OR2T2: variants seen among roughly 807,000 people sequenced by gnomAD.
The protein encoded by OR2T2 is olfactory receptor family 2 subfamily T member 2, also known as olfactory receptor 2T2.
For missense variants in OR2T2, 138 were observed against 409.1 expected, an observed-to-expected ratio of 0.34 and a Z score of 5.72; for synonymous variants, 50 against 162.7, an observed-to-expected ratio of 0.31 and a Z score of 5.27.
intron 2 of OR2T2, among the ~76,000 whole-genome samples, chr1:248,449,831 T>TTTCTTTC (rs1553319228): frequency 7.9e-6 from 1 of 127,046 alleles, no homozygotes; most frequent in Non-Finnish European, 1.5e-5. Context: ...TCTTTTTCTT[T>TTTCTTTC]TTTTTTTTTT....
chr1:248,446,677 T>G (rs1368380772), exon 2 of OR2T2: 1 of 148,246 alleles, frequency 6.7e-6, no homozygotes, highest in African/African-American at 2.7e-5. Context: ...CCCAGAAGCA[T>G]TCCCCTGCAC....
intron 1 of OR2T2, among the ~76,000 whole-genome samples, 194 bp downstream of exon 1, chr1:248,445,863 A>G (rs1662629948): frequency 6.6e-6 from 1 of 150,960 alleles, no homozygotes; most frequent in African/African-American, 2.5e-5. Flanking sequence ...ACAACTGGAA[A>G]AGGGCATTTA....
chr1:248,455,438 AGAATGTCCTGGAGGGATTAAG>A, exon 3 of OR2T2: 1 of 32,950 alleles, frequency 3.0e-5, no homozygotes, highest in Non-Finnish European at 6.4e-5. Context: ...AAGAGATGGA[AGAATGTCCTGGAGGGATTAAG>A]TGAAGAAACA....
At chr1:248,446,164 AT>A (rs200594110) in intron 1 of OR2T2, among the ~76,000 whole-genome samples, 5,110 of 139,010 alleles carry the variant, frequency 0.037, 377 homozygotes, top group South Asian at 0.065. Flanking sequence ...GGAAATCATG[AT>A]TTTTTTTTTT....
exon 3 of OR2T2, chr1:248,453,843 G>T: frequency 7.0e-6 from 9 of 1,294,004 alleles, no homozygotes; most frequent in Non-Finnish European, 9.0e-6. Context: ...AGAGCATCAG[G>T]GGTGGTGACT....
exon 3 of OR2T2, chr1:248,454,903 A>ATG (rs1198992234): frequency 6.8e-5 from 7 of 103,110 alleles, no homozygotes; most frequent in Admixed American, 1.1e-4. Context: ...TAATAGATAA[A>ATG]TGTAGAATGA....
intron 2 of OR2T2, among the ~76,000 whole-genome samples, chr1:248,447,831 CCT>C (rs200801488): frequency 0.012 from 1,762 of 151,742 alleles, no homozygotes; most frequent in South Asian, 0.022. Context: ...ACATGGTATT[CCT>C]CTCTTTAACA....
intron 2 of OR2T2, among the ~76,000 whole-genome samples, chr1:248,448,129 G>A (rs1216353251): frequency 1.7e-4 from 26 of 151,808 alleles, no homozygotes; most frequent in Middle Eastern, 3.4e-3. Context: ...TGAAGCTGGC[G>A]ATTTAGATGT....
exon 3 of OR2T2, chr1:248,452,922 C>T (rs1662837898): frequency 6.2e-7 from 1 of 1,614,170 alleles, no homozygotes; most frequent in Admixed American, 1.7e-5. Flanking sequence ...GCTATAACAG[C>T]CAACTTGGTC....
chr1:248,446,948 C>T (rs572777273), intron 2 of OR2T2, 137 bp downstream of exon 2: 2 of 143,362 alleles, frequency 1.4e-5, no homozygotes, highest in South Asian at 2.1e-4. Context: ...AAGAAAACTT[C>T]TATCTTATGC....
chr1:248,447,871 T>G (rs1360476987), intron 2 of OR2T2, among the ~76,000 whole-genome samples: 1 of 148,514 alleles, frequency 6.7e-6, no homozygotes, highest in Admixed American at 6.7e-5. Flanking sequence ...TTAGTTAACC[T>G]GCAATCCGCC....
intron 2 of OR2T2, among the ~76,000 whole-genome samples, chr1:248,450,421 CTTT>C (rs1558339495): frequency 1.4e-5 from 2 of 146,894 alleles, no homozygotes; most frequent in Non-Finnish European, 2.9e-5. Flanking sequence ...CCTGTTTCAG[CTTT>C]TTTACTCTCC....
chr1:248,450,506 G>A (rs530838652), intron 2 of OR2T2, among the ~76,000 whole-genome samples: 601 of 150,168 alleles, frequency 4.0e-3, no homozygotes, highest in Middle Eastern at 0.01. Flanking sequence ...ATAGACATTT[G>A]AGGCAATAGT....
rs1171574441 is a variant in OR2T2, at chr1:248,446,680, C to G, written c.-154C>G. On this transcript the variant is annotated 5_prime_UTR_variant, in exon 2 of 3. Coordinates refer to ENST00000642130, the Ensembl canonical transcript of OR2T2. ...CTGACACTGCTGCCCAGAAGCATTC[C>G]CCTGCACATCCACATCACAGCCCTC... The G allele has an allele frequency of 2.7e-5, 4 of 148,164 alleles. No individual in the cohort carries two copies. The East Asian group carries it at 7.7e-4, about 28-fold the overall frequency. The allele number at this position is 148,164 out of a possible 1,614,324, so 9.2% of individuals were successfully genotyped here.
chr1:248,450,838 TATATTTAA>T (rs1301922671), intron 2 of OR2T2, among the ~76,000 whole-genome samples: 11 of 144,288 alleles, frequency 7.6e-5, no homozygotes, highest in African/African-American at 2.2e-4. Flanking sequence ...AATGGAATTG[TATATTTAA>T]ATAGTCTCTT....
At chr1:248,450,332 A>G (rs572109181) in intron 2 of OR2T2, among the ~76,000 whole-genome samples, 3 of 134,776 alleles carry the variant, frequency 2.2e-5, no homozygotes, top group Admixed American at 2.1e-4. Flanking sequence ...CAACGCTCAC[A>G]CTCACAAGGA....
intron 2 of OR2T2, chr1:248,449,281 A>G (rs1662736075): frequency 6.6e-6 from 1 of 152,322 alleles, no homozygotes; most frequent in African/African-American, 2.4e-5. Context: ...GATACTTCTC[A>G]TAGCTCTAGT....
chr1:248,453,837 C>T (rs1254463087), exon 3 of OR2T2: 3 of 1,396,608 alleles, frequency 2.1e-6, no homozygotes, highest in African/African-American at 3.6e-5. Context: ...ACTCCCAGAG[C>T]ATCAGGGGTG....
chr1:248,446,375 G>C lies in OR2T2; in HGVS notation c.-245-214G>C, dbSNP rs1258860510. Among the ~76,000 whole-genome samples, 2 of 145,032 alleles carry C rather than the reference G, an allele frequency of 1.4e-5. 1 individual carries two copies. The highest frequency in any genetic ancestry group is 5.6e-5 in the African/African-American group (2 of 35,562). On this transcript the variant is annotated intron_variant, in intron 1 of 2. Coordinates refer to ENST00000642130, the Ensembl canonical transcript of OR2T2. ...TCAGGCTGTAGGGGTATAATAATGA[G>C]TGCATTGTGTTTATAGTTGCAGGTG...
Sources: gnomAD v4.1 joint callset for allele counts (sites outside exome capture counted in the v4.1 genomes callset) on GRCh38, gnomAD v4.1.1 for gene constraint, MANE v1.5 for transcripts, NCBI Gene and HGNC (gene_info 2026-07-23, HGNC 2026-07-21) for gene names.